BCAR3: variants seen among roughly 807,000 people sequenced by gnomAD.
BCAR3 encodes BCAR3 adaptor protein, NSP family member, also known as breast cancer anti-estrogen resistance protein 3.
Under a neutral mutation model 80.1 loss-of-function variants are expected in BCAR3, and 37 were observed. The ratio of observed to expected loss-of-function variants is 0.46; its 90% CI spans 0.36 to 0.61. The LOEUF (loss-of-function observed/expected upper bound fraction) is 0.61. Among genes scored for constraint, BCAR3 ranks in the 20% least tolerant of loss-of-function variants. The pLI, the probability that BCAR3 is intolerant of heterozygous loss-of-function variation, is 0.00. For missense variants in BCAR3, 978 were observed against 1,068.2 expected (o/e 0.92, Z 1.18); for synonymous variants, 389 against 418.9 (o/e 0.93, Z 0.87).
intron 8 of BCAR3, among the ~76,000 whole-genome samples, chr1:93,573,082 A>G (rs1673284762): frequency 6.6e-6 from 1 of 152,136 alleles, no homozygotes; most frequent in Admixed American, 6.6e-5. Flanking sequence ...GGGTTGTGAG[A>G]AGGAGAGACT....
At chr1:93,570,275 A>G (rs1446884882) in intron 9 of BCAR3, among the ~76,000 whole-genome samples, 2 of 152,168 alleles carry the variant, frequency 1.3e-5, no homozygotes, top group African/African-American at 4.8e-5. Flanking sequence ...TTCAGTGGCA[A>G]TGATGGAATT....
chr1:93,648,397 C>G (rs1345424048), intron 2 of BCAR3, among the ~76,000 whole-genome samples: 2 of 151,980 alleles, frequency 1.3e-5, no homozygotes, highest in Non-Finnish European at 2.9e-5. Flanking sequence ...ATGGAAATTA[C>G]ACATTAAAAA....
chr1:93,788,812 G>A (rs1653039276), intron 2 of BCAR3, among the ~76,000 whole-genome samples: 1 of 152,228 alleles, frequency 6.6e-6, no homozygotes, highest in East Asian at 1.9e-4. Context: ...TCCATGCCAA[G>A]TCACTGCTCA....
intron 2 of BCAR3, among the ~76,000 whole-genome samples, chr1:93,672,668 G>C (rs1439822839): frequency 6.6e-6 from 1 of 152,178 alleles, no homozygotes; most frequent in East Asian, 1.9e-4. Flanking sequence ...CATTCCAGCA[G>C]TGGCTGCCTG....
intron 3 of BCAR3, among the ~76,000 whole-genome samples, chr1:93,633,597 G>A (rs1172855709): frequency 6.6e-6 from 1 of 152,152 alleles, no homozygotes; most frequent in East Asian, 1.9e-4. Context: ...TCCTACTGAG[G>A]TGGCAGCACT....
chr1:93,585,875 AC>A (rs555605000), intron 5 of BCAR3, among the ~76,000 whole-genome samples: 123 of 152,230 alleles, frequency 8.1e-4, no homozygotes, highest in African/African-American at 2.7e-3. Flanking sequence ...AGTAGCTGGG[AC>A]CACAGGCACA....
intron 6 of BCAR3, 55 bp from the exon 7 acceptor site, chr1:93,583,008 C>T: frequency 1.3e-6 from 2 of 1,500,758 alleles, no homozygotes; most frequent in Non-Finnish European, 1.8e-6. Context: ...GAATATAAAA[C>T]AAACAAAACC....
intron 2 of BCAR3, among the ~76,000 whole-genome samples, chr1:93,766,836 T>C (rs1652167863): frequency 6.6e-6 from 1 of 152,240 alleles, no homozygotes; most frequent in Non-Finnish European, 1.5e-5. Context: ...AGTAATAGAA[T>C]CTGCTTTAAG....
At chr1:93,825,785 G>C (rs1365533062) in intron 2 of BCAR3, among the ~76,000 whole-genome samples, 1 of 152,140 alleles carries the variant, frequency 6.6e-6, no homozygotes, top group East Asian at 1.9e-4. Flanking sequence ...CTCTGTCTTT[G>C]ACCCATCTCT....
intron 3 of BCAR3, among the ~76,000 whole-genome samples, chr1:93,615,665 C>T (rs1405624395): frequency 6.6e-6 from 1 of 152,124 alleles, no homozygotes. Flanking sequence ...GGTCCAGTAC[C>T]GCACCTGTGA....
At chr1:93,789,612 A>G (rs1279973812) in intron 2 of BCAR3, among the ~76,000 whole-genome samples, 2 of 152,214 alleles carry the variant, frequency 1.3e-5, no homozygotes, top group Non-Finnish European at 2.9e-5. Flanking sequence ...TTTGAAGAGA[A>G]CAGGTCTCAT....
At chr1:93,846,454 G>A (rs772061241) in intron 1 of BCAR3, among the ~76,000 whole-genome samples, 2 of 151,900 alleles carry the variant, frequency 1.3e-5, no homozygotes, top group Admixed American at 1.3e-4. Context: ...GCAACCACGC[G>A]GCTTTGACCG....
At chr1:93,741,230 AC>A (rs1444072322) in intron 2 of BCAR3, among the ~76,000 whole-genome samples, 1 of 152,204 alleles carries the variant, frequency 6.6e-6, no homozygotes, top group African/African-American at 2.4e-5. Flanking sequence ...CAGGGCCCAG[AC>A]TTTTATACTG....
chr1:93,701,345 C>T lies in BCAR3; in HGVS notation c.-12+4747G>A, dbSNP rs138314420. ...CTCCTTCCAACCCAAAACGTGCCTT[C>T]GAGAGGGGCAGAGACCGGCCACCCC... On this transcript the variant is annotated intron_variant, in intron 3 of 13. Transcript: ENST00000370244. Among the ~76,000 whole-genome samples, 992 of 152,178 alleles carry T rather than the reference C, an allele frequency of 6.5e-3. 4 individuals carry two copies. The highest frequency in any genetic ancestry group is 0.01 in the Non-Finnish European group (692 of 68,016).
intron 2 of BCAR3, among the ~76,000 whole-genome samples, chr1:93,845,200 C>T (rs1655105653): frequency 6.6e-6 from 1 of 151,832 alleles, no homozygotes; most frequent in Admixed American, 6.6e-5. Context: ...GGCTCCAATA[C>T]CCCAGGCAGA....
At chr1:93,819,510 G>T (rs958305902) in intron 2 of BCAR3, among the ~76,000 whole-genome samples, 1 of 152,116 alleles carries the variant, frequency 6.6e-6, no homozygotes, top group Non-Finnish European at 1.5e-5. Flanking sequence ...TACAAAGGTA[G>T]GTTGCTTCCT....
chr1:93,841,444 C>T (rs1330041612), intron 2 of BCAR3, among the ~76,000 whole-genome samples: 2 of 152,206 alleles, frequency 1.3e-5, no homozygotes, highest in Non-Finnish European at 2.9e-5. Flanking sequence ...TAAGGCTCAG[C>T]CTTTGTTTAG....
At chr1:93,769,358 T>C (rs1401612139) in intron 2 of BCAR3, among the ~76,000 whole-genome samples, 3 of 38,062 alleles carry the variant, frequency 7.9e-5, no homozygotes, top group African/African-American at 5.2e-4. Context: ...GGTAGGAATG[T>C]GTGTGTGTGT....
intron 7 of BCAR3, among the ~76,000 whole-genome samples, chr1:93,577,518 T>G (rs1439843225): frequency 6.6e-6 from 1 of 152,144 alleles, no homozygotes; most frequent in African/African-American, 2.4e-5. Flanking sequence ...TTTTCTAACA[T>G]AACTGCTAAG....
Sources: allele counts gnomAD v4.1 joint callset (sites outside exome capture counted in the v4.1 genomes callset), GRCh38; gene constraint gnomAD v4.1.1; transcripts MANE v1.5; gene names NCBI Gene and HGNC (gene_info 2026-07-23, HGNC 2026-07-21).